Variants in RRN3 observed in about 807,000 individuals in gnomAD.
RRN3 encodes RNA polymerase I transcription factor RRN3.
A neutral mutation model predicts 82.3 loss-of-function variants in RRN3; 38 were observed. That is an observed-to-expected ratio of 0.46 (90% CI 0.36 to 0.61). The LOEUF (loss-of-function observed/expected upper bound fraction) is 0.61. RRN3 is among the 20% of genes least tolerant of loss of function. RRN3 has a pLI of 0.00. For missense variants in RRN3, 726 were observed against 793.1 expected (o/e 0.92, Z 1.02); for synonymous variants, 284 against 284.3 (o/e 1.00, Z 0.01).
chr16:15,063,704 C>CA (rs10664930), intron 16 of RRN3, among the ~76,000 whole-genome samples: 48,085 of 88,930 alleles, frequency 0.54, 13,574 homozygotes, highest in South Asian at 0.66. Flanking sequence ...GACTCTGTCT[C>CA]AAAAAAAAAA....
At chr16:15,081,553 A>T (rs994284724) in intron 8 of RRN3, among the ~76,000 whole-genome samples, 3 of 152,204 alleles carry the variant, frequency 2.0e-5, no homozygotes, top group Non-Finnish European at 2.9e-5. Context: ...TTATTCAATT[A>T]TAAGAGTTCT....
chr16:15,076,391 A>G, intron 10 of RRN3, 167 bp downstream of exon 10: 1 of 640,898 alleles, frequency 1.6e-6, no homozygotes, highest in South Asian at 1.8e-5. Flanking sequence ...CAACTATGCT[A>G]AGTGCTAAAT....
chr16:15,068,701 T>C (rs531929497), intron 14 of RRN3, among the ~76,000 whole-genome samples: 118 of 152,346 alleles, frequency 7.7e-4, no homozygotes, highest in Non-Finnish European at 1.4e-3. Flanking sequence ...GAGTGCTGTT[T>C]TCAGGTGCAC....
rs2044778594 is a variant in RRN3, at chr16:15,063,044, G to C, written c.1794+152C>G. 7.4e-6 allele frequency: 5 copies of C among 675,642 alleles called. No homozygotes were observed. The Admixed American group carries it at 1.2e-4, about 17-fold the overall frequency. 41.9% of individuals were successfully genotyped at this position (675,642 alleles called of 1,614,324 possible). A position where few individuals can be genotyped will look rare whatever the true frequency, so the allele number is the denominator to read the frequency against. On this transcript the variant is annotated intron_variant, in intron 17 of 17. Transcript: ENST00000198767. ...ATTTTTGTAGAAACAGGGTGTCACT[G>C]TGTTGCCCAGGCTGGTCTCCAGCAA...
rs762595397 is a variant in RRN3, at chr16:15,083,585, AT to A, written c.597-4del. On this transcript the variant is annotated splice_polypyrimidine_tract_variant and splice_region_variant and intron_variant, in intron 7 of 17. Coordinates refer to ENST00000198767, the MANE Select transcript of RRN3 (RefSeq NM_018427.5). ...TTGGCATGAGAAACCACGGTGTCCT[AT>A]TTTTAAAAAATTAAATCAATCCATG... 1 of 1,598,180 alleles carries A rather than the reference AT, an allele frequency of 6.3e-7. No individual in the cohort carries two copies. Among genetic ancestry groups the A allele is most frequent in the South Asian group, 1.1e-5 (1 of 87,774 alleles).
chr16:15,065,095 G>C, intron 16 of RRN3, 124 bp downstream of exon 16: 1 of 930,286 alleles, frequency 1.1e-6, no homozygotes, highest in Non-Finnish European at 1.6e-6. Context: ...GAACCCGGGA[G>C]GCGGAGCTTG....
intron 9 of RRN3, among the ~76,000 whole-genome samples, chr16:15,078,502 T>C (rs2045558155): frequency 6.6e-6 from 1 of 152,126 alleles, no homozygotes; most frequent in African/African-American, 2.4e-5. Flanking sequence ...AAAGACTACC[T>C]TCTAACCACT....
chr16:15,082,649 G>A (rs1387180381), intron 8 of RRN3, among the ~76,000 whole-genome samples: 1 of 151,330 alleles, frequency 6.6e-6, no homozygotes, highest in Non-Finnish European at 1.5e-5. Context: ...CTCCAGCCTG[G>A]GTGACAGACG....
At position 15,094,176 on chromosome 16, in the gene RRN3, C is replaced by A. The variant is rs753124297; in HGVS notation, c.58G>T (p.Ala20Ser). The change falls in exon 1 of 18, where the codon GCA becomes TCA. Residue 20 changes from alanine to serine, a missense_variant. By Grantham distance (99) the Ala-to-Ser change is moderately conservative. Coordinates refer to ENST00000198767, the MANE Select transcript of RRN3 (RefSeq NM_018427.5). ...CTCGACGCGCCCAGCTTCTTAACTGCAGAGGACGAAGCGGCCGCATCTCCC... is the reference window on the plus strand; with the variant it reads ...CTCGACGCGCCCAGCTTCTTAACTGAAGAGGACGAAGCGGCCGCATCTCCC... ...LPGDAAASSSAVKKLGASRTG... is the reference protein window; with the variant it reads ...LPGDAAASSSSVKKLGASRTG... 7 of 1,602,376 alleles carry A rather than the reference C, an allele frequency of 4.4e-6. No individual in the cohort carries two copies. In the Admixed American group the frequency reaches 1.0e-4, roughly 24 times the overall value.
chr16:15,065,297 G>T lies in RRN3; in HGVS notation c.1628C>A (p.Thr543Asn), dbSNP rs1484509755. ...GATCTGCACTGAGTCTCCTCCAGCG[G>T]TACTCCTAATGACTGGCAGCATCTG... The part of the protein sequence containing the change: ...NRQMLPVIRS[T>N]AGGDSVQICT... The change falls in exon 16 of 18, where the codon ACC (threonine) becomes AAC (asparagine). Residue 543 changes from threonine to asparagine, a missense_variant. Physicochemically the swap from Thr to Asn is moderately conservative, Grantham distance 65. Transcript: ENST00000198767. 3 of 1,613,780 alleles carry T rather than the reference G, an allele frequency of 1.9e-6. No individual in the cohort carries two copies.
chr16:15,091,732 G>A (rs2046137239), intron 2 of RRN3, among the ~76,000 whole-genome samples: 1 of 152,118 alleles, frequency 6.6e-6, no homozygotes, highest in African/African-American at 2.4e-5. Flanking sequence ...GGATACAAAT[G>A]GATATTACAT....
At chr16:15,087,493 G>A (rs1042086852) in intron 3 of RRN3, among the ~76,000 whole-genome samples, 6 of 152,192 alleles carry the variant, frequency 3.9e-5, no homozygotes, top group Admixed American at 1.3e-4. Context: ...ATGCGGAGAA[G>A]AAGCTGTCCC....
chr16:15,083,075 G>C (rs770386230), intron 8 of RRN3, among the ~76,000 whole-genome samples: 13 of 152,194 alleles, frequency 8.5e-5, no homozygotes, highest in Non-Finnish European at 1.8e-4. Context: ...TTAGACGTCA[G>C]TTTAAAGTCT....
At chr16:15,077,163 G>C (rs1256435766) in intron 9 of RRN3, among the ~76,000 whole-genome samples, 1 of 151,650 alleles carries the variant, frequency 6.6e-6, no homozygotes, top group South Asian at 2.1e-4. Context: ...ATTTTTAGTA[G>C]AGATGGGGTT....
chr16:15,087,417 G>C (rs1012775688), intron 3 of RRN3, among the ~76,000 whole-genome samples: 2 of 152,148 alleles, frequency 1.3e-5, no homozygotes, highest in African/African-American at 2.4e-5. Flanking sequence ...CAGTAAAGAA[G>C]CAGGTCCAAA....
intron 12 of RRN3, among the ~76,000 whole-genome samples, chr16:15,072,515 A>G (rs1444324480): frequency 6.6e-6 from 1 of 152,084 alleles, no homozygotes; most frequent in Non-Finnish European, 1.5e-5. Flanking sequence ...TGAGAAGGGA[A>G]CGTGGGCCAG....
chr16:15,074,617 AT>A, intron 11 of RRN3, 105 bp downstream of exon 11: 1 of 800,120 alleles, frequency 1.2e-6, no homozygotes. Flanking sequence ...CTCAATAGAT[AT>A]TTTTACAGGA....
At chr16:15,074,702 A>T (rs747390843) in intron 11 of RRN3, 21 bp downstream of exon 11, 51 of 1,600,798 alleles carry the variant, frequency 3.2e-5, no homozygotes, top group East Asian at 2.5e-4. Context: ...TGTTCAATAA[A>T]CAGTAGCTAC....
At chr16:15,087,825 G>A (rs1340909499) in intron 3 of RRN3, among the ~76,000 whole-genome samples, 1 of 152,134 alleles carries the variant, frequency 6.6e-6, no homozygotes, top group African/African-American at 2.4e-5. Flanking sequence ...ATTTTTAAAA[G>A]TAAATCAGGC....
Sources: allele counts gnomAD v4.1 joint callset (sites outside exome capture counted in the v4.1 genomes callset), GRCh38; gene constraint gnomAD v4.1.1; transcripts MANE v1.5; gene names NCBI Gene and HGNC (gene_info 2026-07-23, HGNC 2026-07-21).